CIB1: variants seen among roughly 807,000 people sequenced by gnomAD.
CIB1 encodes calcium and integrin-binding protein 1.
A neutral mutation model predicts 25.0 loss-of-function variants in CIB1; 19 were observed. The ratio of observed to expected loss-of-function variants is 0.76; its 90% CI spans 0.53 to 1.12. CIB1 has a LOEUF of 1.12. Among genes scored for constraint, CIB1 ranks in the 50% most tolerant of loss-of-function variants. The pLI is 0.00. For synonymous variants in CIB1, 104 were observed against 98.5 expected (o/e 1.06, Z -0.33); for missense variants, 236 against 242.6 (o/e 0.97, Z 0.18).
chr15:90,241,038 C>T, the CIB1 span: 6 of 1,614,108 alleles, frequency 3.7e-6, no homozygotes, highest in South Asian at 4.4e-5. Flanking sequence ...GATTCAGTGG[C>T]CAAGGAATGC....
At chr15:90,234,089 G>A (rs8026144), upstream of CIB1, 69,798 of 476,608 alleles carry the variant, frequency 0.15, 5,552 homozygotes, top group Middle Eastern at 0.21. Flanking sequence ...GGTCCTAGGC[G>A]AGCTGGAGGC....
the CIB1 span, among the ~76,000 whole-genome samples, chr15:90,247,307 T>TC: frequency 6.7e-6 from 1 of 149,688 alleles, no homozygotes; most frequent in Admixed American, 6.6e-5. Context: ...TCTTTTTTTT[T>TC]TTTTTTTAAG....
chr15:90,262,344 T>C, the CIB1 span: 2 of 1,133,262 alleles, frequency 1.8e-6, no homozygotes, highest in Admixed American at 5.9e-5. Flanking sequence ...TTCAGTTTAG[T>C]AGGTTTCCTA....
At chr15:90,262,481 T>A in the CIB1 span, 1 of 1,471,304 alleles carries the variant, frequency 6.8e-7, no homozygotes, top group Non-Finnish European at 8.9e-7. Flanking sequence ...GAAGCTGCTG[T>A]GTCTTGTCAG....
upstream of CIB1, among the ~76,000 whole-genome samples, chr15:90,237,239 G>A (rs914073917): frequency 5.3e-5 from 8 of 150,048 alleles, no homozygotes; most frequent in East Asian, 2.0e-4. Flanking sequence ...GATTACAGGC[G>A]TGAGCCACCG....
At chr15:90,239,649 G>A in the CIB1 span, among the ~76,000 whole-genome samples, 2 of 152,182 alleles carry the variant, frequency 1.3e-5, no homozygotes, top group Non-Finnish European at 2.9e-5. Flanking sequence ...CACAACAAGT[G>A]GGGATTATAG....
At chr15:90,258,279 A>G in the CIB1 span, 1 of 1,613,854 alleles carries the variant, frequency 6.2e-7, no homozygotes, top group Non-Finnish European at 8.5e-7. Context: ...GGTGAGGATT[A>G]TCTCCTAGGC....
chr15:90,263,168 C>T, the CIB1 span: 1 of 1,507,112 alleles, frequency 6.6e-7, no homozygotes, highest in Admixed American at 2.3e-5. Flanking sequence ...GTGAAGTCTC[C>T]CAGAGGAAAA....
the CIB1 span, chr15:90,243,061 C>T: frequency 6.6e-6 from 1 of 152,200 alleles, no homozygotes; most frequent in Admixed American, 6.5e-5. Flanking sequence ...CAGTTACACA[C>T]TCCTGACTTT....
At chr15:90,261,723 T>C in the CIB1 span, among the ~76,000 whole-genome samples, 1 of 152,144 alleles carries the variant, frequency 6.6e-6, no homozygotes, top group African/African-American at 2.4e-5. Flanking sequence ...GAGGTTACAG[T>C]GAGCAGAGAT....
the CIB1 span, chr15:90,262,475 C>T: frequency 4.1e-6 from 6 of 1,465,304 alleles, no homozygotes; most frequent in Non-Finnish European, 5.4e-6. Context: ...CTGTCTGAAG[C>T]TGCTGTGTCT....
At chr15:90,232,829 CCGGAGGCAGGAGAA>C (rs1962531808) in intron 2 of CIB1, among the ~76,000 whole-genome samples, 2 of 40,910 alleles carry the variant, frequency 4.9e-5, no homozygotes, top group African/African-American at 7.0e-5. Context: ...TCACTTGAAC[CCGGAGGCAGGAGAA>C]TCACTTGAAC....
At chr15:90,254,851 A>G in the CIB1 span, among the ~76,000 whole-genome samples, 1 of 151,394 alleles carries the variant, frequency 6.6e-6, no homozygotes, top group South Asian at 2.1e-4. Context: ...GTCTCAGGGA[A>G]GGGGGAAAAA....
rs1278664670 is a variant in CIB1 at position 90,231,102 on chromosome 15, A to T, written c.458T>A (p.Ile153Asn). 5.0e-6 allele frequency: 8 copies of T among 1,613,870 alleles called. No individual in the cohort carries two copies. Among genetic ancestry groups the T allele is most frequent in the Non-Finnish European group, 6.8e-6 (8 of 1,179,864 alleles). Residue 153 changes from isoleucine to asparagine, a missense_variant, in exon 5 of 7, where the codon ATC becomes AAC. Physicochemically the swap from Ile to Asn is moderately radical, Grantham distance 149. Transcript: ENST00000328649. Reference protein sequence around the residue: ...RLSASEMKQLIDNILEESDID... With the variant: ...RLSASEMKQLNDNILEESDID... ...GCCTGCTCAGCTGCTCACGTTGTCGATGAGCTGCTTCATCTCAGACGCACT... is the reference window on the plus strand; with the variant it reads ...GCCTGCTCAGCTGCTCACGTTGTCGTTGAGCTGCTTCATCTCAGACGCACT...
the CIB1 span, chr15:90,253,345 T>A: frequency 5.0e-6 from 8 of 1,612,628 alleles, no homozygotes; most frequent in Non-Finnish European, 6.8e-6. Flanking sequence ...CTGGAACGAG[T>A]CATGGACATG....
chr15:90,237,273 CT>C (rs1962655315), upstream of CIB1, among the ~76,000 whole-genome samples: 1 of 121,040 alleles, frequency 8.3e-6, no homozygotes, highest in African/African-American at 3.3e-5. Flanking sequence ...TTGTAATTTT[CT>C]TTTTTTCCCT....
the CIB1 span, among the ~76,000 whole-genome samples, chr15:90,247,470 G>T: frequency 6.6e-5 from 10 of 151,044 alleles, no homozygotes; most frequent in Non-Finnish European, 1.2e-4. Context: ...ATATGCTGAG[G>T]AAAGATCAAG....
the CIB1 span, chr15:90,261,918 G>A: frequency 1.8e-6 from 2 of 1,103,952 alleles, no homozygotes; most frequent in Non-Finnish European, 2.4e-6. Flanking sequence ...AAGCCAGCAG[G>A]AGGGTCTCCA....
chr15:90,262,748 G>A, the CIB1 span: 144 of 1,326,884 alleles, frequency 1.1e-4, no homozygotes, highest in Non-Finnish European at 1.4e-4. Context: ...AATCTCTGCT[G>A]TCTTCTCCTC....
Sources: gnomAD v4.1 joint callset for allele counts (sites outside exome capture counted in the v4.1 genomes callset) on GRCh38, gnomAD v4.1.1 for gene constraint, MANE v1.5 for transcripts, NCBI Gene and HGNC (gene_info 2026-07-23, HGNC 2026-07-21) for gene names.